WWOX: variants seen among roughly 807,000 people sequenced by gnomAD.
WWOX encodes WW domain containing oxidoreductase.
Under a neutral mutation model 46.2 loss-of-function variants are expected in WWOX, and 69 were observed. That is an observed-to-expected ratio of 1.49 (90% CI 1.23 to 1.82). WWOX has a LOEUF of 1.82. WWOX is among the 40% of genes most tolerant of loss of function. The pLI, the probability that WWOX is intolerant of heterozygous loss-of-function variation, is 0.00. For synonymous variants in WWOX, 359 were observed against 202.6 expected (o/e 1.77, Z -6.56); for missense variants, 919 against 542.6 (o/e 1.69, Z -6.89).
rs760958282 is a variant in WWOX, at chr16:78,215,655, C to T, written c.516+51366C>T. Among the ~76,000 whole-genome samples, 10 of 152,036 alleles carry T rather than the reference C, an allele frequency of 6.6e-5. No homozygotes were observed. In the East Asian group the frequency reaches 7.7e-4, roughly 12 times the overall value. ...AAAACGGACTAATACAGGTTGGGCA[C>T]GGTGGCTCATGCCTGTAATCCCAGC... On this transcript the variant is annotated intron_variant, in intron 5 of 8. Coordinates refer to ENST00000566780, the MANE Select transcript of WWOX (RefSeq NM_016373.4).
In WWOX at chr16:78,144,474, T is replaced by TATATATATACAC. The variant is rs1567596420; in HGVS notation, c.410-19700_410-19699insCACATATATATA. ...ACATATATATATATACACACATATA[T>TATATATATACAC]ATATATATATATACACACACACACA... On this transcript the variant is annotated intron_variant, in intron 4 of 8. Transcript: ENST00000566780. 9.6e-4 allele frequency among the ~76,000 whole-genome samples: 33 copies of TATATATATACAC among 34,452 alleles called. 1 individual carries two copies. The highest frequency in any genetic ancestry group is 4.2e-3 in the African/African-American group (31 of 7,372). The allele number at this position is 34,452 out of a possible 152,430, so 22.6% of individuals were successfully genotyped here.
intron 8 of WWOX, among the ~76,000 whole-genome samples, chr16:78,835,324 G>C (rs2051948802): frequency 6.6e-6 from 1 of 152,134 alleles, no homozygotes; most frequent in Non-Finnish European, 1.5e-5. Flanking sequence ...AAAGCGTTGT[G>C]CAAAATATTC....
chr16:78,319,576 C>G (rs2080423558), intron 5 of WWOX, among the ~76,000 whole-genome samples: 1 of 152,132 alleles, frequency 6.6e-6, no homozygotes, highest in Non-Finnish European at 1.5e-5. Flanking sequence ...CCCTTCAGAT[C>G]CCAGTTGGTC....
At chr16:78,943,035 C>G (rs545850753) in intron 8 of WWOX, among the ~76,000 whole-genome samples, 1 of 152,292 alleles carries the variant, frequency 6.6e-6, no homozygotes, top group South Asian at 2.1e-4. Context: ...TTGCTTATCT[C>G]TCCTGCTTCT....
intron 8 of WWOX, among the ~76,000 whole-genome samples, chr16:78,590,166 T>TCTCTCTCTCTC (rs879699302): frequency 2.0e-4 from 8 of 39,310 alleles, no homozygotes; most frequent in Non-Finnish European, 1.8e-4. Flanking sequence ...CTCTCTCTGT[T>TCTCTCTCTCTC]TATTATAGAT....
chr16:78,760,213 G>C (rs985874550), intron 8 of WWOX, among the ~76,000 whole-genome samples: 2 of 152,116 alleles, frequency 1.3e-5, no homozygotes, highest in Non-Finnish European at 2.9e-5. Flanking sequence ...GGAGTTTCCC[G>C]TTATAAAAAC....
At chr16:78,855,349 T>G (rs1045782554) in intron 8 of WWOX, among the ~76,000 whole-genome samples, 1 of 152,216 alleles carries the variant, frequency 6.6e-6, no homozygotes, top group Non-Finnish European at 1.5e-5. Flanking sequence ...GGGTGTCTAA[T>G]TTAGTGTTAG....
At chr16:78,766,215 G>A (rs17709152) in intron 8 of WWOX, among the ~76,000 whole-genome samples, 2,053 of 152,318 alleles carry the variant, frequency 0.013, 23 homozygotes, top group Non-Finnish European at 0.021. Flanking sequence ...CTCAAAAAAG[G>A]ATTCCACCAG....
At chr16:79,183,819 G>T (rs111584071) in intron 8 of WWOX, among the ~76,000 whole-genome samples, 2 of 152,270 alleles carry the variant, frequency 1.3e-5, no homozygotes, top group African/African-American at 4.8e-5. Flanking sequence ...CAAAGGTTCT[G>T]TGCCTCCCAA....
chr16:79,138,834 A>G (rs565354978), intron 8 of WWOX, among the ~76,000 whole-genome samples: 2 of 152,338 alleles, frequency 1.3e-5, no homozygotes, highest in Admixed American at 1.3e-4. Context: ...CAGATGTGGC[A>G]GGGTGAGGGA....
At chr16:78,599,932 T>C (rs2045581183) in intron 8 of WWOX, among the ~76,000 whole-genome samples, 1 of 152,128 alleles carries the variant, frequency 6.6e-6, no homozygotes, top group Admixed American at 6.5e-5. Flanking sequence ...TTAGTCTGTT[T>C]CCTTGCTGTT....
chr16:78,823,218 A>T (rs1285405070), intron 8 of WWOX, among the ~76,000 whole-genome samples: 2 of 152,204 alleles, frequency 1.3e-5, no homozygotes, highest in African/African-American at 2.4e-5. Context: ...CAGGCCTTGG[A>T]TGGTGCTGTA....
intron 5 of WWOX, among the ~76,000 whole-genome samples, chr16:78,187,300 G>A (rs564719972): frequency 2.6e-5 from 4 of 152,136 alleles, no homozygotes; most frequent in Non-Finnish European, 4.4e-5. Flanking sequence ...AAAGAAAAGA[G>A]GACTGCACTC....
At chr16:78,824,022 G>A (rs946314591) in intron 8 of WWOX, among the ~76,000 whole-genome samples, 20 of 151,982 alleles carry the variant, frequency 1.3e-4, no homozygotes, top group African/African-American at 4.1e-4. Flanking sequence ...CAATCCTCCT[G>A]CCTTGATAGA....
rs79080615 is a variant in WWOX at position 78,903,604 on chromosome 16, C to T, written c.1057-308004C>T. On this transcript the variant is annotated intron_variant, in intron 8 of 8. Coordinates refer to ENST00000566780, the MANE Select transcript of WWOX (RefSeq NM_016373.4). ...TTAGGCGTGGAAAGTTAAGGGTTTC[C>T]TTTCAGTTTGGTTCTAAGAAGTCAG... Among the ~76,000 whole-genome samples the T allele has an allele frequency of 7.9e-3, 1,210 of 152,258 alleles. 18 individuals are homozygous for T. The highest frequency in any genetic ancestry group is 0.027 in the African/African-American group (1,129 of 41,554).
At chr16:78,362,704 G>A (rs1051902334) in intron 5 of WWOX, among the ~76,000 whole-genome samples, 4 of 152,092 alleles carry the variant, frequency 2.6e-5, no homozygotes, top group African/African-American at 9.7e-5. Context: ...GGGCTTGGAG[G>A]GTTTCCAGGA....
intron 8 of WWOX, among the ~76,000 whole-genome samples, chr16:78,715,105 A>T (rs1650486888): frequency 6.6e-6 from 1 of 151,938 alleles, no homozygotes; most frequent in African/African-American, 2.4e-5. Flanking sequence ...ACATAGTGAG[A>T]CCCCATCTCT....
intron 8 of WWOX, among the ~76,000 whole-genome samples, chr16:78,918,713 C>T (rs2045308577): frequency 6.6e-6 from 1 of 152,174 alleles, no homozygotes; most frequent in African/African-American, 2.4e-5. Context: ...GTCTCAGGCC[C>T]TGGAGGAATT....
chr16:79,147,631 G>T (rs2050205372), intron 8 of WWOX, among the ~76,000 whole-genome samples: 1 of 152,200 alleles, frequency 6.6e-6, no homozygotes. Flanking sequence ...TTGGTGGGTT[G>T]TAGGGTAATG....
Sources: allele counts gnomAD v4.1 joint callset (sites outside exome capture counted in the v4.1 genomes callset), GRCh38; gene constraint gnomAD v4.1.1; transcripts MANE v1.5; gene names NCBI Gene and HGNC (gene_info 2026-07-23, HGNC 2026-07-21).